Variants in RFX6 observed in about 807,000 individuals in gnomAD.
RFX6 encodes DNA-binding protein RFX6.
Under a neutral mutation model 110.8 loss-of-function variants are expected in RFX6, and 50 were observed. That is an observed-to-expected ratio of 0.45 (90% CI 0.36 to 0.57). The LOEUF is 0.57. RFX6 is among the 20% of genes least tolerant of loss of function. The probability of loss-of-function intolerance (pLI) is 0.00; values close to 1 mark genes in which losing one functional copy is unlikely to be tolerated. For missense variants in RFX6, 990 were observed against 1,127.0 expected, an observed-to-expected ratio of 0.88 and a Z score of 1.74; for synonymous variants, 383 against 411.2, an observed-to-expected ratio of 0.93 and a Z score of 0.83.
chr6:116,888,854 A>C (rs1470694200), intron 4 of RFX6, among the ~76,000 whole-genome samples: 1 of 152,118 alleles, frequency 6.6e-6, no homozygotes, highest in Non-Finnish European at 1.5e-5. Flanking sequence ...TGAAAAATTT[A>C]TGTACACTTT....
rs1023696054 is a variant in RFX6, at chr6:116,877,262, C to G, written c.-14C>G. The G allele has an allele frequency of 1.9e-6, 3 of 1,597,688 alleles. No homozygotes were observed. Among genetic ancestry groups the G allele is most frequent in the Non-Finnish European group, 2.6e-6 (3 of 1,171,872 alleles). On this transcript the variant is annotated 5_prime_UTR_variant, in exon 1 of 19. Coordinates refer to ENST00000332958, the MANE Select transcript of RFX6 (RefSeq NM_173560.4). ...GCCGAGCGGCGCGCGCGGAGGTGTC[C>G]GGCGGCCAGGAGGATGGCCAAGGTC...
chr6:116,903,889 G>A (rs899722415), intron 6 of RFX6, among the ~76,000 whole-genome samples: 4 of 151,784 alleles, frequency 2.6e-5, no homozygotes, highest in East Asian at 1.9e-4. Flanking sequence ...CAATATTGAC[G>A]CAAACAATTC....
chr6:116,881,577 G>T (rs1443911274), intron 3 of RFX6, among the ~76,000 whole-genome samples: 2 of 152,036 alleles, frequency 1.3e-5, no homozygotes, highest in Non-Finnish European at 2.9e-5. Context: ...AATTTATTGT[G>T]AGACCTTCTG....
chr6:116,914,044 G>A (rs2114691436), intron 7 of RFX6, among the ~76,000 whole-genome samples: 1 of 152,216 alleles, frequency 6.6e-6, no homozygotes, highest in South Asian at 2.1e-4. Context: ...ATCAAATTGT[G>A]TATTTGTACC....
intron 17 of RFX6, among the ~76,000 whole-genome samples, chr6:116,928,357 C>T (rs1188691505): frequency 3.9e-5 from 6 of 152,190 alleles, no homozygotes; most frequent in Admixed American, 6.5e-5. Flanking sequence ...CTTCCCTAAA[C>T]ATGCATCTAT....
chr6:116,908,171 C>T (rs899144928), intron 6 of RFX6, among the ~76,000 whole-genome samples: 5 of 152,082 alleles, frequency 3.3e-5, no homozygotes, highest in Non-Finnish European at 7.4e-5. Flanking sequence ...CACTTTCTAG[C>T]ATCTTGTAAC....
chr6:116,922,032 T>TCC lies in RFX6; in HGVS notation c.1328-9_1328-8dup. 8.6e-7 allele frequency: 1 copy of TCC among 1,157,790 alleles called. No individual in the cohort carries two copies. Among genetic ancestry groups the TCC allele is most frequent in the Non-Finnish European group, 1.3e-6 (1 of 773,460 alleles). The allele number at this position is 1,157,790 out of a possible 1,614,324, so 71.7% of individuals were successfully genotyped here. A position where few individuals can be genotyped will look rare whatever the true frequency, so the allele number is the denominator to read the frequency against. ...TTCTTTTCTTTCTTTTTTTTTTTTTTCCTGGGTAGATGACTCTATCACTGT... is the reference window on the plus strand; with the variant it reads ...TTCTTTTCTTTCTTTTTTTTTTTTTTCCCCTGGGTAGATGACTCTATCACTGT... On this transcript the variant is annotated splice_polypyrimidine_tract_variant and intron_variant, in intron 12 of 18. Transcript: ENST00000332958.
chr6:116,918,565 A>G (rs1582532376), intron 10 of RFX6, among the ~76,000 whole-genome samples: 1 of 151,168 alleles, frequency 6.6e-6, no homozygotes, highest in East Asian at 2.0e-4. Context: ...TTTCAAAAAA[A>G]AAAAACCTTT....
intron 2 of RFX6, among the ~76,000 whole-genome samples, chr6:116,879,934 T>A (rs1235448663): frequency 6.6e-6 from 1 of 152,030 alleles, no homozygotes; most frequent in Non-Finnish European, 1.5e-5. Context: ...GAGAATTACA[T>A]TATCTTTTAA....
At chr6:116,886,233 A>G (rs1490349301) in intron 4 of RFX6, among the ~76,000 whole-genome samples, 1 of 152,196 alleles carries the variant, frequency 6.6e-6, no homozygotes, top group Non-Finnish European at 1.5e-5. Flanking sequence ...ATACATACAA[A>G]CATTGTGAAA....
rs2114703675 is a variant in RFX6, at chr6:116,927,007, G to A, written c.1886-20G>A. ...TACTTTAATATGACACTAAAGGAATGTTCTGGTGATTTTTTCCAGGTCAAA... is the reference window on the plus strand; with the variant it reads ...TACTTTAATATGACACTAAAGGAATATTCTGGTGATTTTTTCCAGGTCAAA... On this transcript the variant is annotated intron_variant, in intron 16 of 18. Coordinates refer to ENST00000332958, the MANE Select transcript of RFX6 (RefSeq NM_173560.4). The A allele has an allele frequency of 1.9e-6, 3 of 1,607,634 alleles. No homozygotes were observed. Among genetic ancestry groups the A allele is most frequent in the Admixed American group, 3.3e-5 (2 of 60,008 alleles).
chr6:116,927,376 G>A lies in RFX6; in HGVS notation c.2235G>A (p.Ala745=), dbSNP rs752787509. ...GAGACTTCTTCAGTGGCAGCTGTGC[G>A]GGGTCTCCATATAACTCCCGGCCAC... ...LSRDFFSGSC[A]GSPYNSRPPS... Residue 745 remains alanine (A), a synonymous_variant, in exon 17 of 19, where the codon GCG becomes GCA. Coordinates refer to ENST00000332958, the MANE Select transcript of RFX6 (RefSeq NM_173560.4). 15 of 1,613,830 alleles carry A rather than the reference G, an allele frequency of 9.3e-6. No individual in the cohort carries two copies. The highest frequency in any genetic ancestry group is 1.6e-4 in the Middle Eastern group (1 of 6,084).
chr6:116,919,352 C>G, intron 11 of RFX6, 56 bp downstream of exon 11: 1 of 1,490,096 alleles, frequency 6.7e-7, no homozygotes, highest in Non-Finnish European at 9.4e-7. Flanking sequence ...AATGAATCTT[C>G]TGAGAAGGAC....
At chr6:116,895,151 A>C (rs1365706730) in intron 5 of RFX6, 29 bp from the exon 6 acceptor site, 4 of 1,335,030 alleles carry the variant, frequency 3.0e-6, no homozygotes, top group Middle Eastern at 1.8e-4. Flanking sequence ...TTTTGTTTGA[A>C]CTAATGGAAA....
At chr6:116,885,778 C>T (rs1774687885) in intron 4 of RFX6, among the ~76,000 whole-genome samples, 1 of 151,996 alleles carries the variant, frequency 6.6e-6, no homozygotes, top group African/African-American at 2.4e-5. Context: ...GATTCTTCTT[C>T]AGAGAACAAA....
intron 16 of RFX6, 46 bp downstream of exon 16, chr6:116,925,705 C>A: frequency 2.2e-6 from 3 of 1,343,190 alleles, no homozygotes; most frequent in East Asian, 2.3e-5. Context: ...CTCAGAGAAG[C>A]CTGTTGCTTC....
At chr6:116,881,550 C>T (rs967455304) in intron 3 of RFX6, among the ~76,000 whole-genome samples, 1 of 151,952 alleles carries the variant, frequency 6.6e-6, no homozygotes, top group Admixed American at 6.6e-5. Flanking sequence ...AACCTGGGTT[C>T]TAGCCTAGAC....
intron 2 of RFX6, 149 bp downstream of exon 2, chr6:116,878,101 T>TC (rs1033769960): frequency 5.0e-5 from 41 of 823,650 alleles, no homozygotes; most frequent in Non-Finnish European, 7.7e-5. Flanking sequence ...AGAATTTTTT[T>TC]CACTGAATTT....
At chr6:116,914,450 T>G (rs1357379859) in intron 7 of RFX6, among the ~76,000 whole-genome samples, 1 of 152,208 alleles carries the variant, frequency 6.6e-6, no homozygotes, top group Non-Finnish European at 1.5e-5. Context: ...CAGAAAGGGT[T>G]AATTTTTGAC....
Sources: allele counts gnomAD v4.1 joint callset (sites outside exome capture counted in the v4.1 genomes callset), GRCh38; gene constraint gnomAD v4.1.1; transcripts MANE v1.5; gene names NCBI Gene and HGNC (gene_info 2026-07-23, HGNC 2026-07-21).